Variants in ZBTB11 observed in about 807,000 individuals in gnomAD.
ZBTB11 encodes zinc finger and BTB domain-containing protein 11.
ZBTB11 carries 68 observed loss-of-function variants against 113.1 expected under a neutral mutation model. That is an observed-to-expected ratio of 0.60 (90% CI 0.49 to 0.74). The LOEUF (loss-of-function observed/expected upper bound fraction) is 0.74, where lower values mean the gene tolerates loss of function less well. ZBTB11 is among the 30% of genes least tolerant of loss of function. The pLI, the probability that ZBTB11 is intolerant of heterozygous loss-of-function variation, is 0.00. For synonymous variants in ZBTB11, 518 were observed against 452.6 expected (o/e 1.14, Z -1.83); for missense variants, 1,104 against 1,279.4 (o/e 0.86, Z 2.09).
chr3:101,660,679 C>T (rs1386486602), intron 5 of ZBTB11, among the ~76,000 whole-genome samples: 1 of 152,106 alleles, frequency 6.6e-6, no homozygotes, highest in Non-Finnish European at 1.5e-5. Context: ...CTACTCCCTA[C>T]TTAGATATGT....
At position 101,664,696 on chromosome 3, in the gene ZBTB11, G is replaced by C; in HGVS notation, c.1642C>G (p.Gln548Glu). 1 of 1,606,480 alleles carries C rather than the reference G, an allele frequency of 6.2e-7. No individual in the cohort carries two copies. Among genetic ancestry groups the C allele is most frequent in the South Asian group, 1.1e-5 (1 of 89,232 alleles). ...AVQQVAQKLV[Q>E]RGKKMKQPKR... Reference sequence around the variant, plus strand: ...GGCTGTTTCATCTTTTTTCCTCTTTGAACTAACTTCTGAGCCACCTAGTAA... The same window carrying C: ...GGCTGTTTCATCTTTTTTCCTCTTTCAACTAACTTCTGAGCCACCTAGTAA... Residue 548 changes from glutamine (Q) to glutamate (E), a missense_variant, in exon 5 of 11, where the codon CAA (glutamine) becomes GAA (glutamate). Physicochemically the swap from Gln to Glu is conservative, Grantham distance 29. Transcript: ENST00000312938.
In ZBTB11 at chr3:101,667,204, GTTA is replaced by G. The variant is rs149416174; in HGVS notation, c.779-1399_779-1397del. Among the ~76,000 whole-genome samples, 6 of 152,178 alleles carry G rather than the reference GTTA, an allele frequency of 3.9e-5. No homozygotes were observed. The East Asian group carries it at 1.2e-3, about 29-fold the overall frequency. On this transcript the variant is annotated intron_variant, in intron 3 of 10. Coordinates refer to ENST00000312938, the MANE Select transcript of ZBTB11 (RefSeq NM_014415.4). ...AAGTAGCAGGGCAGGCGTGCACCTG[GTTA>G]TTTTTATATTTTGAAGAGATGGAGG...
chr3:101,657,981 A>G (rs948027584), intron 6 of ZBTB11, among the ~76,000 whole-genome samples: 4 of 152,188 alleles, frequency 2.6e-5, no homozygotes, highest in African/African-American at 9.7e-5. Context: ...GGCCTGGGTA[A>G]TAAGAAAGAC....
intron 5 of ZBTB11, among the ~76,000 whole-genome samples, chr3:101,663,910 C>CA (rs548504203): frequency 3.9e-5 from 6 of 151,982 alleles, no homozygotes; most frequent in Admixed American, 6.6e-5. Context: ...CAAAACAAAA[C>CA]AAAAACTTAA....
intron 3 of ZBTB11, 26 bp from the exon 4 acceptor site, chr3:101,665,834 A>G (rs758764585): frequency 6.5e-7 from 1 of 1,542,676 alleles, no homozygotes; most frequent in South Asian, 1.3e-5. Context: ...GAAGGTAAAG[A>G]CAAAAAAGTC....
intron 7 of ZBTB11, among the ~76,000 whole-genome samples, chr3:101,655,183 A>C (rs1936774473): frequency 6.6e-6 from 1 of 152,056 alleles, no homozygotes; most frequent in South Asian, 2.1e-4. Flanking sequence ...GCCTTTAATA[A>C]ACAGAATTCT....
At chr3:101,675,525 C>A (rs796351938) in intron 1 of ZBTB11, among the ~76,000 whole-genome samples, 1 of 152,164 alleles carries the variant, frequency 6.6e-6, no homozygotes, top group Middle Eastern at 3.2e-3. Flanking sequence ...CAGCACTGTT[C>A]CTAACAAAAT....
At chr3:101,654,436 T>G (rs918682203) in intron 8 of ZBTB11, among the ~76,000 whole-genome samples, 5 of 152,202 alleles carry the variant, frequency 3.3e-5, no homozygotes, top group African/African-American at 1.2e-4. Context: ...GGAAAGAAAC[T>G]GGCTGGCAGT....
chr3:101,661,200 C>T (rs1576647026), intron 5 of ZBTB11, among the ~76,000 whole-genome samples: 3 of 146,508 alleles, frequency 2.0e-5, no homozygotes, highest in African/African-American at 7.6e-5. Flanking sequence ...TGCCACTGCA[C>T]TCCAGCCTGG....
chr3:101,661,974 T>A (rs186784517), intron 5 of ZBTB11: 1 of 152,144 alleles, frequency 6.6e-6, no homozygotes, highest in Non-Finnish European at 1.5e-5. Context: ...AGATTTTTTA[T>A]ATGGTATTAT....
At chr3:101,676,363 T>C in intron 1 of ZBTB11, 1 of 393,640 alleles carries the variant, frequency 2.5e-6, no homozygotes, top group Non-Finnish European at 4.4e-6. Context: ...TGGCCCGGCC[T>C]CCGGGGAAGC....
intron 3 of ZBTB11, among the ~76,000 whole-genome samples, chr3:101,670,018 G>A (rs1252873835): frequency 6.6e-6 from 1 of 152,058 alleles, no homozygotes; most frequent in East Asian, 1.9e-4. Flanking sequence ...AGTAGAGACA[G>A]GGTTTCTCCA....
chr3:101,653,313 C>A (rs1013100005), intron 8 of ZBTB11, among the ~76,000 whole-genome samples: 1 of 152,144 alleles, frequency 6.6e-6, no homozygotes. Context: ...AAATTAATCA[C>A]AACAAAGCAT....
intron 8 of ZBTB11, 38 bp downstream of exon 8, chr3:101,654,666 A>G: frequency 6.5e-7 from 1 of 1,529,052 alleles, no homozygotes; most frequent in Non-Finnish European, 9.0e-7. Flanking sequence ...TAAAAACATA[A>G]TTAAATTAAC....
chr3:101,674,078 G>A (rs1300345054), intron 1 of ZBTB11, among the ~76,000 whole-genome samples: 6 of 150,454 alleles, frequency 4.0e-5, no homozygotes, highest in East Asian at 3.9e-4. Flanking sequence ...GGCTTGGGGC[G>A]TGGCTCACAC....
chr3:101,671,536 C>T (rs1937085364), intron 2 of ZBTB11, 175 bp from the exon 3 acceptor site: 4 of 607,212 alleles, frequency 6.6e-6, no homozygotes, highest in Non-Finnish European at 8.6e-6. Context: ...CTATTTTCTG[C>T]CATGTTCATT....
In ZBTB11 at chr3:101,651,247, C is replaced by T. The variant is rs34525894; in HGVS notation, c.3081G>A (p.Gln1027=). The T allele has an allele frequency of 9.0e-3, 14,570 of 1,613,906 alleles. 1,179 individuals carry two copies. In the African/African-American group the frequency reaches 0.17, roughly 19 times the overall value. ...CAACTTCAGATAGCTTCTGTCCTTG[C>T]TGTTGTGCTAATACATAATTAACCA... ...MQVVNYVLAQ[Q]QGQKLSEVAE... Residue 1027 remains glutamine, a synonymous_variant, in exon 11 of 11, where the codon CAG becomes CAA. Transcript: ENST00000312938.
At chr3:101,672,834 T>C (rs1285551533) in intron 1 of ZBTB11, among the ~76,000 whole-genome samples, 1 of 152,240 alleles carries the variant, frequency 6.6e-6, no homozygotes, top group Non-Finnish European at 1.5e-5. Flanking sequence ...GTACCATATC[T>C]GAACAGAACC....
rs1936702839 is a variant in ZBTB11, at chr3:101,651,541, G to C, written c.2787C>G (p.Leu929=). The change falls in exon 11 of 11, where the codon CTC becomes CTG. Residue 929 remains leucine (L), a synonymous_variant. Transcript: ENST00000312938. ...TGTGGAATTTAGTCATATGTTTACG[G>C]AGTGTTCGAGCATCTATGTAGGCTT... The part of the protein sequence containing the change: ...CSEAYIDART[L]RKHMTKFHRD... 2 of 1,614,058 alleles carry C rather than the reference G, an allele frequency of 1.2e-6. No individual in the cohort carries two copies. Among genetic ancestry groups the C allele is most frequent in the Non-Finnish European group, 1.7e-6 (2 of 1,180,046 alleles).
Sources: allele counts gnomAD v4.1 joint callset (sites outside exome capture counted in the v4.1 genomes callset), GRCh38; gene constraint gnomAD v4.1.1; transcripts MANE v1.5; gene names NCBI Gene and HGNC (gene_info 2026-07-23, HGNC 2026-07-21).